TMEM178B: variants seen among roughly 807,000 people sequenced by gnomAD.
TMEM178B encodes transmembrane protein 178B.
TMEM178B carries 5 observed loss-of-function variants against 31.0 expected under a neutral mutation model. The ratio of observed to expected loss-of-function variants is 0.16; its 90% CI spans 0.08 to 0.34. The LOEUF (loss-of-function observed/expected upper bound fraction) is 0.34. Among genes scored for constraint, TMEM178B ranks in the 10% least tolerant of loss-of-function variants. The pLI, the probability that TMEM178B is intolerant of heterozygous loss-of-function variation, is 1.00. For missense variants in TMEM178B, 275 were observed against 400.3 expected (o/e 0.69, Z 2.67); for synonymous variants, 164 against 164.0 (o/e 1.00, Z 0.00).
chr7:141,409,576 T>C (rs1800944094), intron 2 of TMEM178B, among the ~76,000 whole-genome samples: 1 of 152,198 alleles, frequency 6.6e-6, no homozygotes, highest in Non-Finnish European at 1.5e-5. Context: ...TTTATTTTAG[T>C]TGGCATCCTT....
intron 2 of TMEM178B, among the ~76,000 whole-genome samples, chr7:141,435,538 C>T (rs1472259510): frequency 1.3e-5 from 2 of 152,142 alleles, no homozygotes; most frequent in Non-Finnish European, 2.9e-5. Flanking sequence ...AAAGCAGGGA[C>T]TAAGGTATAG....
chr7:141,292,742 A>T (rs1798568306), intron 2 of TMEM178B, among the ~76,000 whole-genome samples: 1 of 144,660 alleles, frequency 6.9e-6, no homozygotes, highest in Non-Finnish European at 1.5e-5. Flanking sequence ...GGTTCAAGTG[A>T]TTCTCCTGCC....
At chr7:141,312,859 T>C (rs768600027) in intron 2 of TMEM178B, among the ~76,000 whole-genome samples, 31 of 152,252 alleles carry the variant, frequency 2.0e-4, no homozygotes, top group Non-Finnish European at 2.4e-4. Flanking sequence ...CTCTTTATTG[T>C]ATGTTTTTAA....
intron 3 of TMEM178B, among the ~76,000 whole-genome samples, chr7:141,448,958 A>G (rs1380840023): frequency 6.6e-6 from 1 of 152,136 alleles, no homozygotes; most frequent in African/African-American, 2.4e-5. Flanking sequence ...GGGACAGGGT[A>G]GATGAAGACC....
At chr7:141,214,799 C>T (rs1797105068) in intron 2 of TMEM178B, among the ~76,000 whole-genome samples, 1 of 152,040 alleles carries the variant, frequency 6.6e-6, no homozygotes, top group African/African-American at 2.4e-5. Context: ...GCAGCCTATG[C>T]TGTGAACTGG....
At chr7:141,220,853 T>C (rs1797246630) in intron 2 of TMEM178B, among the ~76,000 whole-genome samples, 1 of 152,146 alleles carries the variant, frequency 6.6e-6, no homozygotes, top group Non-Finnish European at 1.5e-5. Flanking sequence ...CATTCAATGG[T>C]TGTGGAGTGT....
chr7:141,390,418 A>G (rs894672283), intron 2 of TMEM178B, among the ~76,000 whole-genome samples: 9 of 152,212 alleles, frequency 5.9e-5, no homozygotes, highest in African/African-American at 2.2e-4. Flanking sequence ...TTTCACAAAA[A>G]CATTTTACTG....
intron 2 of TMEM178B, among the ~76,000 whole-genome samples, chr7:141,358,537 C>T (rs1052672195): frequency 6.6e-6 from 1 of 152,154 alleles, no homozygotes; most frequent in Non-Finnish European, 1.5e-5. Flanking sequence ...CCTAAACCAA[C>T]TCTTTGTATA....
intron 1 of TMEM178B, among the ~76,000 whole-genome samples, chr7:141,112,545 C>T (rs1347728221): frequency 6.6e-6 from 1 of 152,222 alleles, no homozygotes; most frequent in South Asian, 2.1e-4. Flanking sequence ...TGAGCCACCA[C>T]GCCTAACCGA....
chr7:141,186,788 T>A (rs1434459828), intron 1 of TMEM178B, among the ~76,000 whole-genome samples: 2 of 152,202 alleles, frequency 1.3e-5, no homozygotes, highest in African/African-American at 4.8e-5. Flanking sequence ...CAGTGGCTAC[T>A]AACAATGTGG....
At chr7:141,350,109 G>GA (rs1482150166) in intron 2 of TMEM178B, among the ~76,000 whole-genome samples, 15 of 152,010 alleles carry the variant, frequency 9.9e-5, no homozygotes, top group Non-Finnish European at 1.8e-4. Flanking sequence ...AAGTTACAGA[G>GA]ATGAATAAGA....
intron 2 of TMEM178B, among the ~76,000 whole-genome samples, chr7:141,402,026 T>A (rs1800786784): frequency 6.6e-6 from 1 of 152,194 alleles, no homozygotes; most frequent in Non-Finnish European, 1.5e-5. Context: ...CAATGTTTTC[T>A]TTCATTAATA....
At chr7:141,450,726 G>A (rs1437619326) in intron 3 of TMEM178B, among the ~76,000 whole-genome samples, 1 of 152,126 alleles carries the variant, frequency 6.6e-6, no homozygotes, top group Non-Finnish European at 1.5e-5. Flanking sequence ...AAGATGAGCC[G>A]ACAACCTATA....
At chr7:141,366,074 T>TA (rs1241024103) in intron 2 of TMEM178B, among the ~76,000 whole-genome samples, 1 of 152,214 alleles carries the variant, frequency 6.6e-6, no homozygotes, top group East Asian at 1.9e-4. Context: ...TTTATGGCTG[T>TA]ATTAGTGCTT....
At chr7:141,226,272 A>G (rs776482478) in intron 2 of TMEM178B, among the ~76,000 whole-genome samples, 2 of 152,136 alleles carry the variant, frequency 1.3e-5, no homozygotes, top group African/African-American at 4.8e-5. Context: ...GTTGTTCATG[A>G]GTGTGGATGA....
chr7:141,470,591 G>A lies in TMEM178B; in HGVS notation c.690G>A (p.Leu230=), dbSNP rs1161734721. The change falls in exon 4 of 4, where the codon CTG becomes CTA. Residue 230 remains leucine (L), a synonymous_variant. Transcript: ENST00000565468. ...GTGTGGCCGGGATCAACTTTGAGCT[G>A]TCACGCTACCCACGCTACCTGTACG... is the stretch of plus-strand genomic sequence containing the variant. ...CTCVAGINFE[L]SRYPRYLYGL... is the part of the protein sequence containing the mutation. The A allele has an allele frequency of 2.6e-6, 4 of 1,534,730 alleles. No homozygotes were observed. In the African/African-American group the frequency reaches 5.5e-5, roughly 21 times the overall value.
chr7:141,468,425 T>C (rs1442664693), intron 3 of TMEM178B, among the ~76,000 whole-genome samples: 1 of 152,196 alleles, frequency 6.6e-6, no homozygotes, highest in African/African-American at 2.4e-5. Context: ...CCACTTTGCC[T>C]GGCACCAGTT....
intron 2 of TMEM178B, among the ~76,000 whole-genome samples, chr7:141,231,092 T>C (rs1797435224): frequency 2.0e-5 from 3 of 152,196 alleles, no homozygotes; most frequent in Admixed American, 2.0e-4. Flanking sequence ...CAGGAACATT[T>C]GGGATTTTTC....
intron 2 of TMEM178B, among the ~76,000 whole-genome samples, chr7:141,393,630 A>C (rs565471345): frequency 1.3e-5 from 2 of 152,320 alleles, no homozygotes; most frequent in Admixed American, 1.3e-4. Context: ...CCAAAGAGAA[A>C]GAGAAAGGTC....
Sources: gnomAD v4.1 joint callset for allele counts (sites outside exome capture counted in the v4.1 genomes callset) on GRCh38, gnomAD v4.1.1 for gene constraint, MANE v1.5 for transcripts, NCBI Gene and HGNC (gene_info 2026-07-23, HGNC 2026-07-21) for gene names.